Variants in SUMF1 observed in about 807,000 individuals in gnomAD.
SUMF1 encodes the protein formylglycine-generating enzyme.
Under a neutral mutation model 47.6 loss-of-function variants are expected in SUMF1, and 48 were observed. The observed-to-expected ratio is 1.01, with a 90% CI of 0.80 to 1.28. SUMF1 has a LOEUF of 1.28. Ranked by LOEUF, SUMF1 falls within the 50% of genes most tolerant of loss-of-function variation. The probability of loss-of-function intolerance (pLI) is 0.00; values close to 1 mark genes in which losing one functional copy is unlikely to be tolerated. For synonymous variants in SUMF1, 230 were observed against 192.1 expected (o/e 1.20, Z -1.63); for missense variants, 571 against 485.4 (o/e 1.18, Z -1.66).
At chr3:4,394,258 T>C (rs1035442137) in intron 7 of SUMF1, among the ~76,000 whole-genome samples, 3 of 151,942 alleles carry the variant, frequency 2.0e-5, no homozygotes, top group Non-Finnish European at 4.4e-5. Context: ...CAGCCTCAAT[T>C]TCCTGGACTC....
intron 8 of SUMF1, among the ~76,000 whole-genome samples, chr3:4,130,599 A>G (rs1693765043): frequency 6.6e-6 from 1 of 152,088 alleles, no homozygotes. Context: ...AAATCCAACT[A>G]AAATTCGGGG....
intron 8 of SUMF1, among the ~76,000 whole-genome samples, chr3:4,321,679 A>C (rs1184157266): frequency 6.6e-6 from 1 of 152,138 alleles, no homozygotes; most frequent in Non-Finnish European, 1.5e-5. Context: ...TCAATAAATA[A>C]ATGGGGTAAA....
In SUMF1 at chr3:4,467,068, C is replaced by CGCCAGCCA; in HGVS notation, c.177_178insTGGCTGGC (p.Ala60TrpfsTer52). On this transcript the variant is annotated frameshift_variant, in exon 1 of 9. Transcript: ENST00000272902. LOFTEE classifies it high-confidence loss of function. ...TGAGCGGCTGCCGAACTGCCATGGGCGCCAGGCCGCTGGGGCGTGCCGCAG... is the reference window on the plus strand; with the variant it reads ...TGAGCGGCTGCCGAACTGCCATGGGCGCCAGCCAGCCAGGCCGCTGGGGCGTGCCGCAG... 1 of 1,565,290 alleles carries CGCCAGCCA rather than the reference C, an allele frequency of 6.4e-7. No homozygotes were observed. Among genetic ancestry groups the CGCCAGCCA allele is most frequent in the Non-Finnish European group, 8.6e-7 (1 of 1,156,352 alleles).
At chr3:4,371,940 G>GT (rs1700181019) in intron 8 of SUMF1, among the ~76,000 whole-genome samples, 1 of 152,134 alleles carries the variant, frequency 6.6e-6, no homozygotes, top group African/African-American at 2.4e-5. Context: ...TTTTCTTTCT[G>GT]TGCCCCCATC....
chr3:4,346,181 G>C (rs991250654), intron 8 of SUMF1, among the ~76,000 whole-genome samples: 3 of 152,130 alleles, frequency 2.0e-5, no homozygotes, highest in African/African-American at 7.2e-5. Context: ...AGTGGATCTA[G>C]TAGACATCTA....
At chr3:4,353,364 T>C (rs1464692364) in intron 8 of SUMF1, among the ~76,000 whole-genome samples, 1 of 152,172 alleles carries the variant, frequency 6.6e-6, no homozygotes, top group Non-Finnish European at 1.5e-5. Flanking sequence ...ACCATTCTCC[T>C]GCCTCAGCCT....
intron 8 of SUMF1, among the ~76,000 whole-genome samples, chr3:4,354,764 C>G (rs575362079): frequency 6.6e-6 from 1 of 152,282 alleles, no homozygotes; most frequent in East Asian, 1.9e-4. Context: ...TCTGGTAGTA[C>G]CTTCCTGCTC....
chr3:4,432,874 T>C (rs1702278980), intron 3 of SUMF1, among the ~76,000 whole-genome samples: 1 of 152,170 alleles, frequency 6.6e-6, no homozygotes, highest in Admixed American at 6.5e-5. Context: ...ACATTATTTT[T>C]CATGAAAAAA....
At chr3:4,380,424 C>T (rs1700467442) in intron 7 of SUMF1, among the ~76,000 whole-genome samples, 1 of 152,102 alleles carries the variant, frequency 6.6e-6, no homozygotes, top group Admixed American at 6.5e-5. Flanking sequence ...CCTATTTGGG[C>T]AAGGTGGAGG....
intron 3 of SUMF1, among the ~76,000 whole-genome samples, chr3:4,440,532 G>A (rs1253968552): frequency 1.3e-5 from 2 of 152,196 alleles, no homozygotes; most frequent in African/African-American, 4.8e-5. Flanking sequence ...TTGTCGTGCA[G>A]TTGTGATTAA....
intron 8 of SUMF1, among the ~76,000 whole-genome samples, chr3:4,336,570 G>A (rs916059823): frequency 4.6e-5 from 7 of 152,128 alleles, no homozygotes; most frequent in Non-Finnish European, 1.0e-4. Context: ...TTGAGGTCCC[G>A]ATAGTCTACT....
intron 8 of SUMF1, 68 bp from the exon 9 acceptor site, chr3:4,362,322 TGC>T: frequency 7.7e-7 from 1 of 1,293,414 alleles, no homozygotes; most frequent in South Asian, 1.2e-5. Flanking sequence ...ACCCATCAGA[TGC>T]ATATTGCACC....
chr3:4,426,043 C>T (rs1308230495), intron 3 of SUMF1, among the ~76,000 whole-genome samples: 1 of 152,140 alleles, frequency 6.6e-6, no homozygotes, highest in African/African-American at 2.4e-5. Flanking sequence ...CCACCGGGTC[C>T]CTCCCATGAC....
chr3:4,066,778 T>C (rs1384636606), intron 9 of SUMF1, among the ~76,000 whole-genome samples: 1 of 152,144 alleles, frequency 6.6e-6, no homozygotes, highest in Non-Finnish European at 1.5e-5. Flanking sequence ...GTTTCAGTGA[T>C]TGGCTTTCTG....
intron 8 of SUMF1, among the ~76,000 whole-genome samples, chr3:4,337,609 A>G (rs1445786356): frequency 6.6e-6 from 1 of 151,978 alleles, no homozygotes; most frequent in African/African-American, 2.4e-5. Flanking sequence ...CCCTCCCTCC[A>G]TCCCTTGACC....
intron 3 of SUMF1, among the ~76,000 whole-genome samples, chr3:4,441,039 C>T (rs1702569930): frequency 6.6e-6 from 1 of 152,172 alleles, no homozygotes; most frequent in Admixed American, 6.5e-5. Context: ...CCCTGGACCA[C>T]AAACCAGTAC....
chr3:4,431,938 G>A (rs1037053998), intron 3 of SUMF1, among the ~76,000 whole-genome samples: 3 of 151,932 alleles, frequency 2.0e-5, no homozygotes, highest in Non-Finnish European at 4.4e-5. Context: ...GAACAATTTG[G>A]GTGACAGATA....
intron 8 of SUMF1, chr3:4,316,405 G>A (rs148048935): frequency 5.1e-5 from 81 of 1,576,616 alleles, no homozygotes; most frequent in South Asian, 7.0e-5. Flanking sequence ...GATGAGGAGC[G>A]TAGTGGCCGG....
At chr3:4,210,110 G>C (rs372978466) in intron 8 of SUMF1, among the ~76,000 whole-genome samples, 1 of 152,034 alleles carries the variant, frequency 6.6e-6, no homozygotes, top group African/African-American at 2.4e-5. Flanking sequence ...AGCCAGGCTG[G>C]TCTTGAACTC....
Sources: gnomAD v4.1 joint callset for allele counts (sites outside exome capture counted in the v4.1 genomes callset) on GRCh38, gnomAD v4.1.1 for gene constraint, MANE v1.5 for transcripts, NCBI Gene and HGNC (gene_info 2026-07-23, HGNC 2026-07-21) for gene names.